CMTM8: variants seen among roughly 807,000 people sequenced by gnomAD.
CMTM8 encodes CKLF-like MARVEL transmembrane domain-containing protein 8.
A neutral mutation model predicts 18.6 loss-of-function variants in CMTM8; 12 were observed. That is an observed-to-expected ratio of 0.65 (90% CI 0.41 to 1.05). The LOEUF (loss-of-function observed/expected upper bound fraction) is 1.05. Among genes scored for constraint, CMTM8 ranks in the 50% least tolerant of loss-of-function variants. The pLI is 0.00. For synonymous variants in CMTM8, 87 were observed against 90.6 expected (o/e 0.96, Z 0.23); for missense variants, 217 against 227.2 (o/e 0.95, Z 0.29).
chr3:32,348,550 A>G (rs1432042022), intron 1 of CMTM8, among the ~76,000 whole-genome samples: 5 of 7,042 alleles, frequency 7.1e-4, no homozygotes, highest in African/African-American at 1.5e-3. Flanking sequence ...TTTGGAGACA[A>G]GATCTGACTC....
At chr3:32,305,011 T>C (rs555182613) in intron 1 of CMTM8, among the ~76,000 whole-genome samples, 3 of 152,212 alleles carry the variant, frequency 2.0e-5, no homozygotes, top group Non-Finnish European at 4.4e-5. Context: ...GAGAACCATC[T>C]CTTTAAGACA....
chr3:32,353,999 G>C (rs1164708965), intron 1 of CMTM8, among the ~76,000 whole-genome samples: 2 of 151,902 alleles, frequency 1.3e-5, no homozygotes, highest in Non-Finnish European at 2.9e-5. Context: ...TGGCCAGGAT[G>C]GTCTTGATCT....
chr3:32,309,207 G>A (rs9853289), intron 1 of CMTM8, among the ~76,000 whole-genome samples: 2,623 of 152,136 alleles, frequency 0.017, 81 homozygotes, highest in African/African-American at 0.06. Context: ...CATTGCCTGG[G>A]CCTTTCTAGA....
intron 1 of CMTM8, among the ~76,000 whole-genome samples, chr3:32,331,148 G>A (rs1027256364): frequency 2.6e-5 from 4 of 152,114 alleles, no homozygotes; most frequent in African/African-American, 9.7e-5. Flanking sequence ...ATGTAAAAAC[G>A]GGGAAAGGAC....
chr3:32,274,276 C>T (rs1702482745), intron 1 of CMTM8, among the ~76,000 whole-genome samples: 1 of 150,968 alleles, frequency 6.6e-6, no homozygotes, highest in African/African-American at 2.4e-5. Context: ...TGCCACTGCA[C>T]TCCAGCCTGG....
intron 1 of CMTM8, among the ~76,000 whole-genome samples, chr3:32,294,129 C>G (rs1029164478): frequency 6.6e-6 from 1 of 152,166 alleles, no homozygotes; most frequent in Non-Finnish European, 1.5e-5. Flanking sequence ...TGAATTCTTG[C>G]CTATCCCATA....
intron 1 of CMTM8, among the ~76,000 whole-genome samples, chr3:32,330,750 G>A (rs2125583466): frequency 6.6e-6 from 1 of 152,250 alleles, no homozygotes; most frequent in Admixed American, 6.5e-5. Flanking sequence ...AGAAAGGACA[G>A]TCTCTTCAAC....
At chr3:32,303,240 C>T (rs1695657262) in intron 1 of CMTM8, among the ~76,000 whole-genome samples, 2 of 152,250 alleles carry the variant, frequency 1.3e-5, no homozygotes, top group African/African-American at 4.8e-5. Flanking sequence ...GATTTCTCAA[C>T]ATTCTCTTGA....
chr3:32,263,028 C>T (rs890100689), intron 1 of CMTM8, among the ~76,000 whole-genome samples: 8 of 152,184 alleles, frequency 5.3e-5, no homozygotes, highest in Non-Finnish European at 1.0e-4. Context: ...GGAACAGCTC[C>T]AATCTACAGC....
chr3:32,369,414 C>G (rs530547587), intron 3 of CMTM8, among the ~76,000 whole-genome samples: 4 of 152,288 alleles, frequency 2.6e-5, no homozygotes, highest in African/African-American at 9.6e-5. Flanking sequence ...CAAGAATGGA[C>G]TAGAACTAGG....
At chr3:32,307,391 A>G (rs1695735086) in intron 1 of CMTM8, among the ~76,000 whole-genome samples, 1 of 152,140 alleles carries the variant, frequency 6.6e-6, no homozygotes, top group Non-Finnish European at 1.5e-5. Flanking sequence ...TGACTGGATG[A>G]GGGAAAAGCA....
chr3:32,278,338 G>A (rs776108319), intron 1 of CMTM8, among the ~76,000 whole-genome samples: 2 of 152,184 alleles, frequency 1.3e-5, no homozygotes, highest in African/African-American at 2.4e-5. Context: ...ATGTGAGAGC[G>A]GATGGTATGG....
intron 1 of CMTM8, among the ~76,000 whole-genome samples, chr3:32,330,903 A>C (rs1189745555): frequency 6.6e-6 from 1 of 152,202 alleles, no homozygotes; most frequent in African/African-American, 2.4e-5. Flanking sequence ...AAATGAGAAA[A>C]GCTTCATGAC....
intron 1 of CMTM8, among the ~76,000 whole-genome samples, chr3:32,302,948 C>A (rs1695649937): frequency 6.6e-6 from 1 of 152,186 alleles, no homozygotes; most frequent in African/African-American, 2.4e-5. Flanking sequence ...CCTGGTCTCA[C>A]ACTTAAATAC....
intron 1 of CMTM8, among the ~76,000 whole-genome samples, chr3:32,331,110 A>C (rs59153169): frequency 0.1 from 15,794 of 152,226 alleles, 1,018 homozygotes; most frequent in African/African-American, 0.19. Flanking sequence ...AACTCCTACA[A>C]CTCAACAACA....
chr3:32,331,042 G>A (rs1397647588), intron 1 of CMTM8, among the ~76,000 whole-genome samples: 2 of 152,024 alleles, frequency 1.3e-5, no homozygotes, highest in Non-Finnish European at 2.9e-5. Context: ...TACAGAAAGG[G>A]AAAAGATACC....
chr3:32,258,657 G>A (rs1191805353), intron 1 of CMTM8, among the ~76,000 whole-genome samples: 1 of 152,054 alleles, frequency 6.6e-6, no homozygotes, highest in Non-Finnish European at 1.5e-5. Context: ...CTACAGGCAT[G>A]TGCCACCATG....
chr3:32,259,059 G>A, intron 1 of CMTM8: 2 of 365,966 alleles, frequency 5.5e-6, no homozygotes, highest in East Asian at 6.8e-5. Context: ...GCAGGCGCCG[G>A]AGGGCAGGGG....
intron 1 of CMTM8, among the ~76,000 whole-genome samples, chr3:32,267,471 A>G (rs546346706): frequency 9.8e-5 from 15 of 152,324 alleles, no homozygotes; most frequent in African/African-American, 3.1e-4. Context: ...TAAAGACTTA[A>G]ATGTTAGGCC....
Sources: allele counts gnomAD v4.1 joint callset (sites outside exome capture counted in the v4.1 genomes callset), GRCh38; gene constraint gnomAD v4.1.1; transcripts MANE v1.5; gene names NCBI Gene and HGNC (gene_info 2026-07-23, HGNC 2026-07-21).